Variants in PI4KA observed in about 807,000 individuals in gnomAD.
The protein encoded by PI4KA is PI4-kinase alpha.
In PI4KA, 122 loss-of-function variants were observed where a neutral mutation model predicts 271.4. The observed-to-expected ratio is 0.45, with a 90% CI of 0.39 to 0.52. PI4KA has a LOEUF of 0.52. Ranked by LOEUF, PI4KA falls within the 20% of genes least tolerant of loss-of-function variation. The probability of loss-of-function intolerance (pLI) is 0.00; values close to 1 mark genes in which losing one functional copy is unlikely to be tolerated. For synonymous variants in PI4KA, 1,041 were observed against 1,078.8 expected, an observed-to-expected ratio of 0.96 and a Z score of 0.69; for missense variants, 1,969 against 2,769.1, an observed-to-expected ratio of 0.71 and a Z score of 6.48.
At position 20,834,582 on chromosome 22, in the gene PI4KA, C is replaced by G; in HGVS notation, c.347G>C (p.Ser116Thr). 1 of 1,606,822 alleles carries G rather than the reference C, an allele frequency of 6.2e-7. No individual in the cohort carries two copies. Among genetic ancestry groups the G allele is most frequent in the Non-Finnish European group, 8.5e-7 (1 of 1,173,366 alleles). Residue 116 changes from serine to threonine, a missense_variant, in exon 3 of 55, where the codon AGC becomes ACC. Around this residue, in one of 13 missense-constraint regions of PI4KA, gnomAD observed 540 missense variants for 555.5 expected, o/e 0.97. Coordinates refer to ENST00000255882, the MANE Select transcript of PI4KA (RefSeq NM_058004.4). ...ATTACCTCTGCCTTTCCGAGCTGTG[C>G]TTTCTTCTACCCAATACACTTTTGG... ...GLPKVYWVEE[S>T]TARKGRGALP...
chr22:20,757,178 A>C (rs892920316), intron 23 of PI4KA, among the ~76,000 whole-genome samples: 1 of 152,184 alleles, frequency 6.6e-6, no homozygotes, highest in African/African-American at 2.4e-5. Flanking sequence ...AGGTTCTGAA[A>C]ATTCAAGAAT....
intron 28 of PI4KA, among the ~76,000 whole-genome samples, chr22:20,748,139 C>T (rs1177367527): frequency 6.6e-6 from 1 of 152,248 alleles, no homozygotes; most frequent in African/African-American, 2.4e-5. Flanking sequence ...CCCTAACTAG[C>T]TGTGGGACTG....
chr22:20,821,469 C>T (rs1922651207), intron 4 of PI4KA, among the ~76,000 whole-genome samples: 1 of 152,084 alleles, frequency 6.6e-6, no homozygotes, highest in African/African-American at 2.4e-5. Context: ...ATCCACCTGC[C>T]TTGGCCTCGC....
At position 20,805,192 on chromosome 22, in the gene PI4KA, C is replaced by T. The variant is rs138246119; in HGVS notation, c.1169-27G>A. ...TGTAGGAAAGAGTGTGGCATCACAG[C>T]TGGGAACAAAACTACAGTAGAACAC... On this transcript the variant is annotated intron_variant, in intron 10 of 54. Transcript: ENST00000255882. 38 of 1,560,894 alleles carry T rather than the reference C, an allele frequency of 2.4e-5. No individual in the cohort carries two copies. In the African/African-American group the frequency reaches 4.7e-4, roughly 20 times the overall value.
At chr22:20,726,449 C>G (rs777397719) in intron 42 of PI4KA, 39 bp downstream of exon 42, 17 of 1,514,526 alleles carry the variant, frequency 1.1e-5, no homozygotes, top group Admixed American at 2.4e-5. Context: ...GGAACACACT[C>G]TGTGAGTGAA....
chr22:20,729,190 A>T, intron 39 of PI4KA, 123 bp downstream of exon 39: 3 of 782,992 alleles, frequency 3.8e-6, no homozygotes, highest in Non-Finnish European at 6.0e-6. Context: ...GGACTAGACT[A>T]CTTCCTGACT....
At chr22:20,841,541 A>T (rs985505303) in intron 1 of PI4KA, among the ~76,000 whole-genome samples, 3 of 152,198 alleles carry the variant, frequency 2.0e-5, no homozygotes, top group African/African-American at 7.2e-5. Flanking sequence ...TTAAATGTGA[A>T]GTGAAGATAC....
At chr22:20,827,718 G>C (rs959675895) in intron 3 of PI4KA, among the ~76,000 whole-genome samples, 1 of 152,054 alleles carries the variant, frequency 6.6e-6, no homozygotes, top group Non-Finnish European at 1.5e-5. Flanking sequence ...TGTAAGCTCT[G>C]ATTTCTTTCA....
chr22:20,821,102 T>A (rs1467797085), intron 4 of PI4KA, among the ~76,000 whole-genome samples: 1 of 152,230 alleles, frequency 6.6e-6, no homozygotes, highest in East Asian at 1.9e-4. Flanking sequence ...TCACCCAGCA[T>A]ACTCACCAAA....
intron 45 of PI4KA, among the ~76,000 whole-genome samples, chr22:20,716,307 C>T (rs562765224): frequency 6.6e-6 from 1 of 152,230 alleles, no homozygotes; most frequent in Non-Finnish European, 1.5e-5. Context: ...CTGCCTTGGC[C>T]TCCCAAAGTG....
At chr22:20,711,631 G>C (rs1379156270) in intron 50 of PI4KA, among the ~76,000 whole-genome samples, 170 bp from the exon 51 acceptor site, 2 of 152,144 alleles carry the variant, frequency 1.3e-5, no homozygotes, top group African/African-American at 2.4e-5. Flanking sequence ...GAGTGACAGG[G>C]GCTCTCTGTG....
chr22:20,734,108 G>C lies in PI4KA; in HGVS notation c.3987C>G (p.Ser1329=). ...IFSSLLQRSM[S]LNIGGAKGSM... ...TCCCCTTGGCCCCGCCGATGTTCAG[G>C]GACATGGAGCGCTGCAGCAGGCTGG... Residue 1329 remains serine (S), a synonymous_variant, in exon 34 of 55, where the codon TCC becomes TCG. Transcript: ENST00000255882. 1 of 1,607,328 alleles carries C rather than the reference G, an allele frequency of 6.2e-7. No homozygotes were observed. The highest frequency in any genetic ancestry group is 8.5e-7 in the Non-Finnish European group (1 of 1,177,684).
rs772105710 is a variant in PI4KA, at chr22:20,729,889, G to A, written c.4408+3C>T. The A allele has an allele frequency of 3.1e-6, 5 of 1,613,960 alleles. No individual in the cohort carries two copies. Among genetic ancestry groups the A allele is most frequent in the Non-Finnish European group, 4.2e-6 (5 of 1,180,020 alleles). ...TGGCCCCAGCAGCACACCTCCCACCGACCTGATTTCTTGGAGATGGTGGAC... is the reference window on the plus strand; with the variant it reads ...TGGCCCCAGCAGCACACCTCCCACCAACCTGATTTCTTGGAGATGGTGGAC... On this transcript the variant is annotated splice_donor_region_variant and intron_variant, in intron 37 of 54. Coordinates refer to ENST00000255882, the MANE Select transcript of PI4KA (RefSeq NM_058004.4).
At chr22:20,824,738 A>T (rs757708516) in intron 3 of PI4KA, among the ~76,000 whole-genome samples, 1 of 60,546 alleles carries the variant, frequency 1.7e-5, no homozygotes, top group Non-Finnish European at 3.3e-5. Context: ...TAAATCACAC[A>T]CACACACACA....
chr22:20,719,047 G>A (rs1317321984), intron 43 of PI4KA, among the ~76,000 whole-genome samples: 10 of 152,218 alleles, frequency 6.6e-5, no homozygotes, highest in Admixed American at 1.3e-4. Flanking sequence ...GGGGCCAAGC[G>A]CACAAGTGGA....
intron 10 of PI4KA, among the ~76,000 whole-genome samples, chr22:20,806,983 C>T (rs1241422431): frequency 1.3e-5 from 2 of 152,086 alleles, no homozygotes; most frequent in Non-Finnish European, 2.9e-5. Flanking sequence ...GATCAGCCCA[C>T]CTTGTCCTCC....
At chr22:20,816,160 G>A (rs975096298) in intron 7 of PI4KA, among the ~76,000 whole-genome samples, 5 of 152,038 alleles carry the variant, frequency 3.3e-5, no homozygotes, top group African/African-American at 9.7e-5. Context: ...GGCTGGTCTC[G>A]AACTCCTAGT....
intron 3 of PI4KA, among the ~76,000 whole-genome samples, chr22:20,828,756 T>C (rs749083868): frequency 6.6e-6 from 1 of 152,132 alleles, no homozygotes; most frequent in Non-Finnish European, 1.5e-5. Flanking sequence ...GATTTCACCA[T>C]GTTGGCCAGG....
At chr22:20,753,255 T>C in intron 23 of PI4KA, 75 bp from the exon 24 acceptor site, 5 of 1,368,902 alleles carry the variant, frequency 3.7e-6, no homozygotes, top group Non-Finnish European at 5.1e-6. Flanking sequence ...TCATTTTCTT[T>C]TGAAATGATT....
Sources: gnomAD v4.1 joint callset for allele counts (sites outside exome capture counted in the v4.1 genomes callset) on GRCh38, gnomAD v4.1.1 for gene constraint, gnomAD v4.1.1 regional missense constraint, MANE v1.5 for transcripts, NCBI Gene and HGNC (gene_info 2026-07-23, HGNC 2026-07-21) for gene names.